TAS2R1: variants seen among roughly 807,000 people sequenced by gnomAD.
TAS2R1 encodes the protein taste 2 receptor member 1.
For synonymous variants in TAS2R1, 141 were observed against 134.2 expected, an observed-to-expected ratio of 1.05 and a Z score of -0.35; for missense variants, 370 against 353.4, an observed-to-expected ratio of 1.05 and a Z score of -0.38.
chr5:9,794,713 C>G, the TAS2R1 span, among the ~76,000 whole-genome samples: 1 of 152,066 alleles, frequency 6.6e-6, no homozygotes, highest in East Asian at 1.9e-4. Context: ...ATACCTCATA[C>G]GAATTCAGAA....
the TAS2R1 span, among the ~76,000 whole-genome samples, chr5:9,732,175 A>T: frequency 6.6e-6 from 1 of 152,214 alleles, no homozygotes; most frequent in Admixed American, 6.5e-5. Context: ...TGCCCAAACC[A>T]GGGAGGAATA....
the TAS2R1 span, among the ~76,000 whole-genome samples, chr5:9,788,016 G>A: frequency 3.5e-4 from 54 of 152,302 alleles, no homozygotes; most frequent in African/African-American, 1.3e-3. Flanking sequence ...GATGCATGGT[G>A]AGCCTGCTGG....
intron 1 of TAS2R1, among the ~76,000 whole-genome samples, chr5:9,690,333 G>A (rs2126517144): frequency 6.6e-6 from 1 of 152,226 alleles, no homozygotes; most frequent in South Asian, 2.1e-4. Flanking sequence ...TTATTGTGTA[G>A]TGATTTTTAA....
chr5:9,873,333 TG>T, the TAS2R1 span, among the ~76,000 whole-genome samples: 5 of 151,778 alleles, frequency 3.3e-5, no homozygotes, highest in South Asian at 1.0e-3. Flanking sequence ...CCCAAGCATC[TG>T]GTCTGATTTC....
the TAS2R1 span, among the ~76,000 whole-genome samples, chr5:9,851,498 A>G: frequency 6.6e-6 from 1 of 151,016 alleles, no homozygotes; most frequent in Non-Finnish European, 1.5e-5. Context: ...TCTCACAAGT[A>G]ATTTCTTCTG....
At chr5:9,634,954 T>C (rs1739938261), upstream of TAS2R1, among the ~76,000 whole-genome samples, 1 of 152,124 alleles carries the variant, frequency 6.6e-6, no homozygotes, top group Admixed American at 6.6e-5. Context: ...TCTTGTTTGA[T>C]TGATTTGGCT....
chr5:9,643,183 A>C (rs1023643609), intron 2 of TAS2R1, among the ~76,000 whole-genome samples: 1 of 152,280 alleles, frequency 6.6e-6, no homozygotes, highest in East Asian at 1.9e-4. Flanking sequence ...TAAGAAAGTA[A>C]TCGATAGACA....
intron 2 of TAS2R1, among the ~76,000 whole-genome samples, chr5:9,635,507 T>G (rs550930974): frequency 3.5e-4 from 54 of 152,154 alleles, no homozygotes; most frequent in Admixed American, 2.2e-3. Flanking sequence ...TTTGGAATAG[T>G]TTTAGTTAAG....
chr5:9,856,149 C>T, the TAS2R1 span, among the ~76,000 whole-genome samples: 2 of 152,076 alleles, frequency 1.3e-5, no homozygotes, highest in Non-Finnish European at 2.9e-5. Flanking sequence ...TAAAACGTCT[C>T]CTTATAAGAA....
the TAS2R1 span, among the ~76,000 whole-genome samples, chr5:9,800,051 C>T: frequency 2.6e-5 from 4 of 152,128 alleles, no homozygotes; most frequent in African/African-American, 7.2e-5. Context: ...TGGAGATGAA[C>T]CTTAAGCAGG....
chr5:9,791,467 G>C, the TAS2R1 span, among the ~76,000 whole-genome samples: 1 of 152,236 alleles, frequency 6.6e-6, no homozygotes, highest in Non-Finnish European at 1.5e-5. Flanking sequence ...GGGAGGCCAA[G>C]GTAGGTGAAT....
At chr5:9,638,760 G>C (rs376103404) in intron 2 of TAS2R1, among the ~76,000 whole-genome samples, 208 of 152,330 alleles carry the variant, frequency 1.4e-3, no homozygotes, top group African/African-American at 4.6e-3. Flanking sequence ...GGTTAGGTGG[G>C]TGTGGGCTCA....
chr5:9,686,645 A>G (rs1294772192), intron 1 of TAS2R1, among the ~76,000 whole-genome samples: 2 of 152,208 alleles, frequency 1.3e-5, no homozygotes, highest in African/African-American at 4.8e-5. Flanking sequence ...GGAAACAGAA[A>G]GAAAGAAAAC....
chr5:9,822,610 A>C, the TAS2R1 span, among the ~76,000 whole-genome samples: 1 of 152,058 alleles, frequency 6.6e-6, no homozygotes. Context: ...CGGCCTCCCA[A>C]AGTGCTGGGA....
At chr5:9,808,462 AG>A in the TAS2R1 span, among the ~76,000 whole-genome samples, 1 of 152,344 alleles carries the variant, frequency 6.6e-6, no homozygotes, top group African/African-American at 2.4e-5. Context: ...TGAGTAAAAA[AG>A]AACCAGAACT....
At chr5:9,832,497 C>T in the TAS2R1 span, among the ~76,000 whole-genome samples, 1 of 152,194 alleles carries the variant, frequency 6.6e-6, no homozygotes, top group African/African-American at 2.4e-5. Flanking sequence ...CCAGGGTTCT[C>T]CTGTAGCTGG....
chr5:9,845,741 T>C, the TAS2R1 span, among the ~76,000 whole-genome samples: 1 of 152,190 alleles, frequency 6.6e-6, no homozygotes, highest in Non-Finnish European at 1.5e-5. Context: ...AGAGATGAAG[T>C]GAGAAAATGT....
intron 1 of TAS2R1, among the ~76,000 whole-genome samples, chr5:9,705,916 G>T (rs761840444): frequency 6.6e-6 from 1 of 152,074 alleles, no homozygotes; most frequent in Non-Finnish European, 1.5e-5. Context: ...AGACCAGCAG[G>T]TCACCTTACT....
the TAS2R1 span, among the ~76,000 whole-genome samples, chr5:9,744,704 C>T: frequency 6.6e-6 from 1 of 152,168 alleles, no homozygotes; most frequent in African/African-American, 2.4e-5. Flanking sequence ...ATCCTAATCC[C>T]TGGAACTGGT....
Sources: gnomAD v4.1 joint callset for allele counts (sites outside exome capture counted in the v4.1 genomes callset) on GRCh38, gnomAD v4.1.1 for gene constraint, MANE v1.5 for transcripts, NCBI Gene and HGNC (gene_info 2026-07-23, HGNC 2026-07-21) for gene names.